The following GPC5 variants were observed in gnomAD, a reference collection of about 807,000 sequenced individuals.
GPC5 encodes glypican-5.
A neutral mutation model predicts 53.9 loss-of-function variants in GPC5; 47 were observed. That is an observed-to-expected ratio of 0.87 (90% CI 0.69 to 1.11). GPC5 has a LOEUF of 1.11. Among genes scored for constraint, GPC5 ranks in the 50% most tolerant of loss-of-function variants. The probability of loss-of-function intolerance (pLI) is 0.00; values close to 1 mark genes in which losing one functional copy is unlikely to be tolerated. For missense variants in GPC5, 748 were observed against 713.1 expected (o/e 1.05, Z -0.56); for synonymous variants, 286 against 263.3 (o/e 1.09, Z -0.84).
chr13:91,939,307 A>G (rs2039902822), intron 6 of GPC5, among the ~76,000 whole-genome samples: 1 of 152,150 alleles, frequency 6.6e-6, no homozygotes, highest in African/African-American at 2.4e-5. Flanking sequence ...GCTGCTTAAA[A>G]CAAATTAATT....
chr13:92,100,981 T>A (rs559213007), intron 6 of GPC5, among the ~76,000 whole-genome samples: 1 of 152,274 alleles, frequency 6.6e-6, no homozygotes, highest in South Asian at 2.1e-4. Context: ...ATAATATCTC[T>A]TGAAATATAT....
At chr13:92,258,887 G>A (rs2042745429) in intron 7 of GPC5, among the ~76,000 whole-genome samples, 1 of 152,164 alleles carries the variant, frequency 6.6e-6, no homozygotes, top group Non-Finnish European at 1.5e-5. Flanking sequence ...AGGCTGCAGT[G>A]TACTATGATC....
intron 1 of GPC5, among the ~76,000 whole-genome samples, chr13:91,437,994 T>A (rs1247465632): frequency 6.6e-6 from 1 of 152,208 alleles, no homozygotes; most frequent in Non-Finnish European, 1.5e-5. Context: ...GTAGTTCTCG[T>A]GCCTTGGTTT....
chr13:92,461,744 C>G (rs985104789), intron 7 of GPC5, among the ~76,000 whole-genome samples: 3 of 152,186 alleles, frequency 2.0e-5, no homozygotes, highest in African/African-American at 7.2e-5. Context: ...TGCCAACTTA[C>G]AAACTAGGAA....
Position 91,487,085 on chromosome 13 carries a change from C to T in GPC5, c.325+38163C>T, listed in dbSNP as rs527387897. Among the ~76,000 whole-genome samples the T allele has an allele frequency of 4.6e-5, 7 of 152,172 alleles. No individual in the cohort carries two copies. In the South Asian group the frequency reaches 1.4e-3, roughly 32 times the overall value. On this transcript the variant is annotated intron_variant, in intron 2 of 7. Transcript: ENST00000377067. ...TTGTAGGTTTGAGGAGGGAAAGTTT[C>T]CTCTTCACCTTCTGAGGGTTTGCTG... is the stretch of plus-strand genomic sequence containing the variant.
chr13:91,983,537 T>G (rs2040379918), intron 6 of GPC5, among the ~76,000 whole-genome samples: 1 of 152,122 alleles, frequency 6.6e-6, no homozygotes, highest in Admixed American at 6.5e-5. Context: ...AGGAAGGAAC[T>G]AAAACTCCAG....
chr13:92,753,546 C>T lies in GPC5; in HGVS notation c.1562-112736C>T, dbSNP rs565514106. On this transcript the variant is annotated intron_variant, in intron 7 of 7. Transcript: ENST00000377067. Reference sequence around the variant, plus strand: ...CAAATTACTCTGAGCTATGGGAGGACATTCAAACCAAAGGCAAAGAAGTTG... The same window carrying T: ...CAAATTACTCTGAGCTATGGGAGGATATTCAAACCAAAGGCAAAGAAGTTG... 3.3e-5 allele frequency among the ~76,000 whole-genome samples: 5 copies of T among 152,174 alleles called. 1 individual carries two copies. The highest frequency in any genetic ancestry group is 1.2e-4 in the African/African-American group (5 of 41,528).
chr13:91,635,639 G>A (rs940048591), intron 2 of GPC5, among the ~76,000 whole-genome samples: 7 of 151,974 alleles, frequency 4.6e-5, no homozygotes, highest in African/African-American at 1.4e-4. Context: ...TGAATGTATT[G>A]TAGTGAAGGC....
In GPC5 at chr13:91,758,678, G is replaced by A. The variant is rs184533752; in HGVS notation, c.1280+2258G>A. On this transcript the variant is annotated intron_variant, in intron 5 of 7. Coordinates refer to ENST00000377067, the MANE Select transcript of GPC5 (RefSeq NM_004466.6). ...TTAGCAAGGACTCTCCATGAAAACC[G>A]TCCACATTTCTGATTAGCGAAGTGT... Among the ~76,000 whole-genome samples the A allele has an allele frequency of 1.6e-3, 249 of 152,154 alleles. 1 individual carries two copies. The Middle Eastern group carries it at 0.031, about 19-fold the overall frequency.
intron 7 of GPC5, among the ~76,000 whole-genome samples, chr13:92,564,272 A>G (rs980710576): frequency 3.9e-5 from 6 of 152,056 alleles, no homozygotes; most frequent in African/African-American, 1.4e-4. Flanking sequence ...CTGTGTCAAT[A>G]GGTTTTGCAT....
chr13:92,100,154 C>T (rs2041453840), intron 6 of GPC5, among the ~76,000 whole-genome samples: 1 of 152,130 alleles, frequency 6.6e-6, no homozygotes, highest in Admixed American at 6.6e-5. Context: ...CCTGTAATCC[C>T]AGCACTTTGG....
intron 7 of GPC5, among the ~76,000 whole-genome samples, chr13:92,769,353 A>G (rs756066609): frequency 6.6e-6 from 1 of 151,508 alleles, no homozygotes; most frequent in Non-Finnish European, 1.5e-5. Flanking sequence ...CTGCAATGTC[A>G]TTTGTCTTCC....
Position 91,687,434 on chromosome 13 carries a change from A to G in GPC5, c.326-5753A>G, listed in dbSNP as rs75137195. Among the ~76,000 whole-genome samples, 1,041 of 152,166 alleles carry G rather than the reference A, an allele frequency of 6.8e-3. 14 individuals carry two copies. Among genetic ancestry groups the G allele is most frequent in the African/African-American group, 0.024 (1,008 of 41,572 alleles). On this transcript the variant is annotated intron_variant, in intron 2 of 7. Coordinates refer to ENST00000377067, the MANE Select transcript of GPC5 (RefSeq NM_004466.6). ...TCAGTCTTAGGTGTTTTGTCATTAAATTAAGATTAACGGAATGTTAATGTC... is the reference window on the plus strand; with the variant it reads ...TCAGTCTTAGGTGTTTTGTCATTAAGTTAAGATTAACGGAATGTTAATGTC...
chr13:92,147,269 T>C (rs750278155), intron 7 of GPC5, among the ~76,000 whole-genome samples: 1 of 152,028 alleles, frequency 6.6e-6, no homozygotes. Context: ...CAGGGCAGTA[T>C]TTAATAATCT....
intron 5 of GPC5, among the ~76,000 whole-genome samples, chr13:91,858,164 ATT>A (rs1234488569): frequency 6.6e-6 from 1 of 151,516 alleles, no homozygotes; most frequent in Non-Finnish European, 1.5e-5. Flanking sequence ...CTTTTGACTG[ATT>A]GCTCCAACTA....
chr13:92,346,480 A>G (rs1024218121), intron 7 of GPC5, among the ~76,000 whole-genome samples: 3 of 152,138 alleles, frequency 2.0e-5, no homozygotes, highest in African/African-American at 7.2e-5. Context: ...ATTAGAGAAC[A>G]CATAACAAGA....
intron 7 of GPC5, among the ~76,000 whole-genome samples, chr13:92,282,225 C>T (rs1304098767): frequency 2.6e-5 from 4 of 152,168 alleles, no homozygotes; most frequent in Non-Finnish European, 5.9e-5. Flanking sequence ...TGAACAAAGC[C>T]TCCAAGAAAT....
intron 2 of GPC5, among the ~76,000 whole-genome samples, chr13:91,488,855 T>A (rs946672454): frequency 1.3e-5 from 2 of 152,202 alleles, no homozygotes; most frequent in African/African-American, 4.8e-5. Context: ...GGGAGAAATG[T>A]CACTGAATTA....
intron 4 of GPC5, among the ~76,000 whole-genome samples, chr13:91,729,004 T>C (rs1022043658): frequency 2.6e-5 from 4 of 152,196 alleles, no homozygotes; most frequent in African/African-American, 9.7e-5. Context: ...ATGTGGCTAG[T>C]GGCTACTGAC....
Sources: gnomAD v4.1 joint callset for allele counts (sites outside exome capture counted in the v4.1 genomes callset) on GRCh38, gnomAD v4.1.1 for gene constraint, MANE v1.5 for transcripts, NCBI Gene and HGNC (gene_info 2026-07-23, HGNC 2026-07-21) for gene names.